Variants in ABCA3 observed in about 807,000 individuals in gnomAD.
ABCA3 encodes ATP binding cassette subfamily A member 3, also known as phospholipid-transporting ATPase ABCA3.
A neutral mutation model predicts 172.8 loss-of-function variants in ABCA3; 88 were observed. The ratio of observed to expected loss-of-function variants is 0.51; its 90% CI spans 0.43 to 0.61. The LOEUF (loss-of-function observed/expected upper bound fraction) is 0.61. Ranked by LOEUF, ABCA3 falls within the 20% of genes least tolerant of loss-of-function variation. The pLI is 0.00. For missense variants in ABCA3, 2,164 were observed against 2,301.0 expected (o/e 0.94, Z 1.22); for synonymous variants, 1,066 against 983.8 (o/e 1.08, Z -1.56).
In ABCA3 at chr16:2,289,601, T is replaced by C; in HGVS notation, c.2533A>G (p.Ser845Gly). 3 of 1,553,188 alleles carry C rather than the reference T, an allele frequency of 1.9e-6. No homozygotes were observed. The highest frequency in any genetic ancestry group is 2.6e-6 in the Non-Finnish European group (3 of 1,149,114). The change falls in exon 20 of 33, where the codon AGC (serine) becomes GGC (glycine). Residue 845 changes from serine (S) to glycine (G), a missense_variant. Ser to Gly is a moderately conservative substitution (Grantham distance 56). Transcript: ENST00000301732. ...TGGATGGCCTGGATGTCCATACTGC[T>C]GTCCACCAGCTTCCCGACCCTGTGC... ...VFLRVGKLVD[S>G]SMDIQAIQLP...
chr16:2,314,402 C>T (rs73502303), intron 10 of ABCA3, among the ~76,000 whole-genome samples: 2,571 of 151,916 alleles, frequency 0.017, 67 homozygotes, highest in African/African-American at 0.059. Context: ...TACATGAAGT[C>T]CCCAGGGTCA....
chr16:2,317,253 A>G (rs1463580615), intron 10 of ABCA3, 30 bp downstream of exon 10: 1 of 1,613,198 alleles, frequency 6.2e-7, no homozygotes, highest in Non-Finnish European at 8.5e-7. Context: ...CCCCTTGGCA[A>G]CCCCACTCTG....
chr16:2,281,459 C>A lies in ABCA3; in HGVS notation c.4086G>T (p.Ala1362=), dbSNP rs981633054. The A allele has an allele frequency of 1.1e-5, 17 of 1,613,548 alleles. No homozygotes were observed. The highest frequency in any genetic ancestry group is 2.7e-5 in the African/African-American group (2 of 74,878). Residue 1362 remains alanine, a synonymous_variant, in exon 27 of 33, where the codon GCG becomes GCT. Coordinates refer to ENST00000301732, the MANE Select transcript of ABCA3 (RefSeq NM_001089.3). The surrounding 1 kb of genome is among the most constrained non-coding windows in gnomAD (Gnocchi z 4.7). ...GGGCCAGGATGCGGGTCCTCTCGTCCGCTACATCTTGGTCCTCAGGAAGCA... is the reference window on the plus strand; with the variant it reads ...GGGCCAGGATGCGGGTCCTCTCGTCAGCTACATCTTGGTCCTCAGGAAGCA... ...MPVLPEDQDV[A]DERTRILAPS...
Position 2,308,442 on chromosome 16 carries a change from ACACT to A in ABCA3, c.1285+4_1285+7del, listed in dbSNP as rs746836333. 2.5e-6 allele frequency: 4 copies of A among 1,613,980 alleles called. No individual in the cohort carries two copies. Among genetic ancestry groups the A allele is most frequent in the Admixed American group, 1.7e-5 (1 of 59,998 alleles). ...GGAAAGAACAGGCTGGACAAGGCAA[ACACT>A]CACCTTTCGCCTCAAATTTCCCAAT... On this transcript the variant is annotated splice_donor_5th_base_variant and intron_variant, in intron 11 of 32. Transcript: ENST00000301732.
chr16:2,319,812 C>T lies in ABCA3; in HGVS notation c.642G>A (p.Val214=), dbSNP rs759910364. 1 of 1,613,948 alleles carries T rather than the reference C, an allele frequency of 6.2e-7. No homozygotes were observed. The highest frequency in any genetic ancestry group is 8.5e-7 in the Non-Finnish European group (1 of 1,180,016). Residue 214 remains valine (V), a synonymous_variant, in exon 8 of 33, where the codon GTG becomes GTA. Transcript: ENST00000301732. The part of the protein sequence containing the change: ...PGYIREGFLA[V]QHAVDRAIME... Reference sequence around the variant, plus strand: ...TGATGGCCCGGTCCACAGCATGCTGCACGGCCAGGAAGCCTTCCCGGATGT... The same window carrying T: ...TGATGGCCCGGTCCACAGCATGCTGTACGGCCAGGAAGCCTTCCCGGATGT...
rs2093648273 is a variant in ABCA3, at chr16:2,277,471, G to GT, written c.4983+125dup. On this transcript the variant is annotated intron_variant, in intron 32 of 32. Transcript: ENST00000301732. This position sits in a 1 kb window ranked among gnomAD's most constrained non-coding sequence, Gnocchi z 5.3. ...CAAACCAGCACGTATCAGGCTGAGT[G>GT]TTAGGGGAGAAATGGAAAGTGACTC... 4 of 990,450 alleles carry GT rather than the reference G, an allele frequency of 4.0e-6. No individual in the cohort carries two copies. The highest frequency in any genetic ancestry group is 6.2e-6 in the Non-Finnish European group (4 of 642,082). 61.4% of individuals were successfully genotyped at this position (990,450 alleles called of 1,614,324 possible).
chr16:2,315,839 CTTTTTT>C (rs536716259), intron 10 of ABCA3, among the ~76,000 whole-genome samples: 298 of 104,852 alleles, frequency 2.8e-3, no homozygotes, highest in African/African-American at 9.5e-3. Context: ...AATTTTTAAA[CTTTTTT>C]TTTTTTTTTT....
At position 2,297,299 on chromosome 16, in the gene ABCA3, A is replaced by ACCCTGTCGCGGGCTGG; in HGVS notation, c.2263+14_2263+29dup. On this transcript the variant is annotated intron_variant, in intron 17 of 32. Transcript: ENST00000301732. The surrounding 1 kb of genome is among the most constrained non-coding windows in gnomAD (Gnocchi z 5.6). ...CCTCAGCACGGCAGCCAGGACACCG[A>ACCCTGTCGCGGGCTGG]CCCTGTCGCGGGCTGGCCCCACCGC... 6.2e-7 allele frequency: 1 copy of ACCCTGTCGCGGGCTGG among 1,605,304 alleles called. No individual in the cohort carries two copies. Among genetic ancestry groups the ACCCTGTCGCGGGCTGG allele is most frequent in the Non-Finnish European group, 8.5e-7 (1 of 1,179,030 alleles).
Position 2,297,837 on chromosome 16 carries a change from G to A in ABCA3, c.1981C>T (p.Arg661Trp), listed in dbSNP as rs747670523. 24 of 1,613,666 alleles carry A rather than the reference G, an allele frequency of 1.5e-5. No homozygotes were observed. Among genetic ancestry groups the A allele is most frequent in the East Asian group, 8.9e-5 (4 of 44,872 alleles). The change falls in exon 16 of 33, where the codon CGG becomes TGG. Residue 661 changes from arginine (R) to tryptophan (W), a missense_variant. Arg to Trp is a moderately radical substitution (Grantham distance 101). This residue lies in a region of ABCA3 where 1,343 missense variants were observed against 1,369.6 expected (regional missense o/e 0.98). Coordinates refer to ENST00000301732, the MANE Select transcript of ABCA3 (RefSeq NM_001089.3). The surrounding 1 kb of genome is among the most constrained non-coding windows in gnomAD (Gnocchi z 5.6). ...IIGLEDKWNSRSRFLSGGMRR... is the reference protein window; with the variant it reads ...IIGLEDKWNSWSRFLSGGMRR... ...ATGCCCCCGCTCAGGAAGCGGCTCC[G>A]TGAGTTCCACTTGTCCTCCAGGCCG...
intron 12 of ABCA3, 68 bp from the exon 13 acceptor site, chr16:2,300,216 C>T: frequency 6.2e-7 from 1 of 1,600,200 alleles, no homozygotes; most frequent in South Asian, 1.1e-5. Context: ...CCAGCAGACA[C>T]ACTAGATGCA....
chr16:2,300,732 C>G (rs752623868), intron 12 of ABCA3, among the ~76,000 whole-genome samples: 2 of 152,198 alleles, frequency 1.3e-5, no homozygotes, highest in Non-Finnish European at 2.9e-5. Flanking sequence ...TGGAGGCAGT[C>G]GACACAGTGG....
chr16:2,315,934 T>C (rs1007776095), intron 10 of ABCA3, among the ~76,000 whole-genome samples: 4 of 149,098 alleles, frequency 2.7e-5, no homozygotes, highest in African/African-American at 9.8e-5. Context: ...CCTCCTGCCT[T>C]GACCTCCTAA....
chr16:2,333,291 G>A (rs1371011305), intron 1 of ABCA3, among the ~76,000 whole-genome samples: 1 of 152,172 alleles, frequency 6.6e-6, no homozygotes, highest in Non-Finnish European at 1.5e-5. Context: ...ATGAAAGCCT[G>A]TCCACAAAGG....
chr16:2,328,166 G>C (rs926322130), intron 3 of ABCA3, among the ~76,000 whole-genome samples: 1 of 152,164 alleles, frequency 6.6e-6, no homozygotes, highest in Non-Finnish European at 1.5e-5. Context: ...GGTGATAGCA[G>C]AAATGAGAGC....
In ABCA3 at chr16:2,285,703, G is replaced by T; in HGVS notation, c.3279-57C>A. The T allele has an allele frequency of 6.5e-7, 1 of 1,534,150 alleles. No homozygotes were observed. Among genetic ancestry groups the T allele is most frequent in the Non-Finnish European group, 8.8e-7 (1 of 1,133,492 alleles). ...CACAGCACGTCTGGGTGGCAGGAGA[G>T]GTCGGGTTCTCGGTTATGACCGCCC... On this transcript the variant is annotated intron_variant, in intron 22 of 32. Coordinates refer to ENST00000301732, the MANE Select transcript of ABCA3 (RefSeq NM_001089.3). The surrounding 1 kb of genome is among the most constrained non-coding windows in gnomAD (Gnocchi z 4.7).
At chr16:2,313,552 C>CA (rs56389139) in intron 10 of ABCA3, among the ~76,000 whole-genome samples, 4,003 of 61,914 alleles carry the variant, frequency 0.065, 132 homozygotes, top group African/African-American at 0.09. Context: ...GACTCTGTCA[C>CA]AAAAAAAAAA....
chr16:2,304,494 A>C (rs937390638), intron 11 of ABCA3, among the ~76,000 whole-genome samples: 1 of 147,826 alleles, frequency 6.8e-6, no homozygotes, highest in South Asian at 2.1e-4. Flanking sequence ...TGCATTTAGC[A>C]TAAGTCTTTT....
At chr16:2,336,518 C>T (rs1038375402) in intron 1 of ABCA3, among the ~76,000 whole-genome samples, 7 of 151,560 alleles carry the variant, frequency 4.6e-5, no homozygotes, top group Non-Finnish European at 8.8e-5. Flanking sequence ...GCAACCTCTG[C>T]CTCCCAGGTT....
chr16:2,318,324 C>A lies in ABCA3; in HGVS notation c.874-560G>T, dbSNP rs996500328. On this transcript the variant is annotated intron_variant, in intron 8 of 32. Transcript: ENST00000301732. The stretch of plus-strand genomic sequence containing the variant: ...TGACCACACCTTCCTTCCTCACCTG[C>A]CCCACCAAGGAGTCAGGCGTGGTGA... Among the ~76,000 whole-genome samples the A allele has an allele frequency of 5.3e-5, 8 of 152,244 alleles. 1 individual carries two copies. The Middle Eastern group carries it at 0.01, about 194-fold the overall frequency.
Sources: gnomAD v4.1 joint callset for allele counts (sites outside exome capture counted in the v4.1 genomes callset) on GRCh38, gnomAD v4.1.1 for gene constraint, gnomAD v4.1.1 regional missense constraint, Gnocchi (gnomAD v3.1) non-coding constraint, MANE v1.5 for transcripts, NCBI Gene and HGNC (gene_info 2026-07-23, HGNC 2026-07-21) for gene names.